PTPRN2: variants seen among roughly 807,000 people sequenced by gnomAD.
The protein encoded by PTPRN2 is protein tyrosine phosphatase receptor type N2.
In PTPRN2, 74 loss-of-function variants were observed where a neutral mutation model predicts 118.8. That is an observed-to-expected ratio of 0.62 (90% CI 0.52 to 0.76). The LOEUF is 0.76. Ranked by LOEUF, PTPRN2 falls within the 30% of genes least tolerant of loss-of-function variation. PTPRN2 has a pLI of 0.00. For missense variants in PTPRN2, 1,481 were observed against 1,394.4 expected (o/e 1.06, Z -0.99); for synonymous variants, 641 against 608.0 (o/e 1.05, Z -0.80).
At chr7:158,520,293 G>A (rs1333775524) in intron 1 of PTPRN2, among the ~76,000 whole-genome samples, 1 of 152,228 alleles carries the variant, frequency 6.6e-6, no homozygotes. Context: ...GCAGGAAGGT[G>A]TGGAAAGGAG....
chr7:158,579,141 T>C (rs1828500875), intron 1 of PTPRN2, among the ~76,000 whole-genome samples: 1 of 152,198 alleles, frequency 6.6e-6, no homozygotes, highest in African/African-American at 2.4e-5. Flanking sequence ...GCTGTCACCA[T>C]CAGTTACTCT....
chr7:158,117,557 A>G (rs1291934319), intron 9 of PTPRN2, among the ~76,000 whole-genome samples: 6 of 152,238 alleles, frequency 3.9e-5, no homozygotes, highest in Admixed American at 2.0e-4. Flanking sequence ...AGACATGGAT[A>G]TAAGCATCCA....
Position 158,372,382 on chromosome 7 carries a change from G to A in PTPRN2, c.164-55450C>T, listed in dbSNP as rs1411234870. The stretch of plus-strand genomic sequence containing the variant: ...CACCCCCAGGCTGGACCCCAGAGCT[G>A]GCCTCCCCAATGCTGGTCCCCAGAG... On this transcript the variant is annotated intron_variant, in intron 2 of 22. Transcript: ENST00000389418. Among the ~76,000 whole-genome samples, 7 of 144,148 alleles carry A rather than the reference G, an allele frequency of 4.9e-5. 1 individual carries two copies. The highest frequency in any genetic ancestry group is 1.1e-4 in the Non-Finnish European group (7 of 66,328). The allele number at this position is 144,148 out of a possible 152,430, so 94.6% of individuals were successfully genotyped here.
chr7:158,278,011 G>T (rs1470456793), intron 3 of PTPRN2, among the ~76,000 whole-genome samples: 1 of 152,196 alleles, frequency 6.6e-6, no homozygotes, highest in Non-Finnish European at 1.5e-5. Context: ...TAACAGGGAG[G>T]CCAGGTCCTT....
chr7:158,395,233 G>A (rs1812256252), intron 2 of PTPRN2, among the ~76,000 whole-genome samples: 1 of 150,706 alleles, frequency 6.6e-6, no homozygotes, highest in Non-Finnish European at 1.5e-5. Flanking sequence ...GCGCGGTCTC[G>A]ACCTGAATCC....
intron 5 of PTPRN2, among the ~76,000 whole-genome samples, chr7:158,174,434 T>C (rs2150629926): frequency 6.6e-6 from 1 of 151,078 alleles, no homozygotes; most frequent in Middle Eastern, 3.5e-3. Context: ...ACTTCCACCA[T>C]CAACATGATC....
chr7:157,980,371 T>A (rs1255348975), intron 11 of PTPRN2, among the ~76,000 whole-genome samples: 1 of 152,226 alleles, frequency 6.6e-6, no homozygotes, highest in Non-Finnish European at 1.5e-5. Context: ...GTCAAGTGTT[T>A]CAAAGCCAAA....
At chr7:157,840,636 T>C (rs1305731393) in intron 12 of PTPRN2, among the ~76,000 whole-genome samples, 2 of 152,082 alleles carry the variant, frequency 1.3e-5, no homozygotes, top group African/African-American at 4.8e-5. Flanking sequence ...GAAGTTGGAA[T>C]TTAGGGAGTG....
intron 1 of PTPRN2, among the ~76,000 whole-genome samples, chr7:158,580,185 A>T (rs889179300): frequency 3.9e-5 from 6 of 152,232 alleles, no homozygotes; most frequent in Admixed American, 3.3e-4. Flanking sequence ...AAGAGCGGCT[A>T]TTTCAGAGAA....
Position 158,219,511 on chromosome 7 carries a change from G to GA in PTPRN2, c.278-14239dup, listed in dbSNP as rs556537254. Among the ~76,000 whole-genome samples the GA allele has an allele frequency of 8.4e-4, 124 of 146,962 alleles. 1 individual carries two copies. The South Asian group carries it at 0.013, about 16-fold the overall frequency. On this transcript the variant is annotated intron_variant, in intron 3 of 22. Coordinates refer to ENST00000389418, the MANE Select transcript of PTPRN2 (RefSeq NM_002847.5). ...CATAACATTACACCTGGAAGAACTA[G>GA]AAAAAAAAAGAACAAACCAATCCCA...
intron 6 of PTPRN2, among the ~76,000 whole-genome samples, chr7:158,146,951 T>G (rs1483420850): frequency 6.8e-6 from 1 of 147,234 alleles, no homozygotes; most frequent in Non-Finnish European, 1.5e-5. Flanking sequence ...TCTTTCCCCC[T>G]CAATGACACC....
intron 1 of PTPRN2, among the ~76,000 whole-genome samples, chr7:158,553,408 A>G (rs1826789515): frequency 6.7e-6 from 1 of 149,318 alleles, no homozygotes; most frequent in Admixed American, 6.6e-5. Context: ...CTCCCCTTAT[A>G]CACACACAGG....
intron 4 of PTPRN2, among the ~76,000 whole-genome samples, chr7:158,200,904 T>C (rs1406304394): frequency 1.3e-5 from 2 of 152,302 alleles, no homozygotes; most frequent in South Asian, 4.1e-4. Flanking sequence ...CAAAAGCAAA[T>C]TATTTATGTG....
At chr7:157,791,798 A>G (rs1804518527) in intron 12 of PTPRN2, among the ~76,000 whole-genome samples, 1 of 152,234 alleles carries the variant, frequency 6.6e-6, no homozygotes, top group South Asian at 2.1e-4. Flanking sequence ...TCTGGTACAG[A>G]CCATGTTTCC....
At position 157,615,760 on chromosome 7, in the gene PTPRN2, T is replaced by A. The variant is rs2150618782; in HGVS notation, c.2344+5602A>T. ...ACAAGCTCTGGAGGCTGAACGAGAATCGGTTACAGGAGATGAACACAAGGC... is the reference window on the plus strand; with the variant it reads ...ACAAGCTCTGGAGGCTGAACGAGAAACGGTTACAGGAGATGAACACAAGGC... On this transcript the variant is annotated intron_variant, in intron 15 of 22. Transcript: ENST00000389418. This position sits in a 1 kb window ranked among gnomAD's most constrained non-coding sequence, Gnocchi z 4.3. The A allele has an allele frequency of 2.6e-6, 1 of 383,846 alleles. No homozygotes were observed. The highest frequency in any genetic ancestry group is 7.4e-5 in the East Asian group (1 of 13,592). The allele number at this position is 383,846 out of a possible 1,614,324, so 23.8% of individuals were successfully genotyped here. A position where few individuals can be genotyped will look rare whatever the true frequency, so the allele number is the denominator to read the frequency against.
At chr7:158,252,383 A>C (rs949014112) in intron 3 of PTPRN2, among the ~76,000 whole-genome samples, 1 of 152,122 alleles carries the variant, frequency 6.6e-6, no homozygotes, top group Non-Finnish European at 1.5e-5. Context: ...GGCTCAGATG[A>C]AGGCGGCCAA....
In PTPRN2 at chr7:157,972,342, C is replaced by T. The variant is rs566698221; in HGVS notation, c.1724-73605G>A. ...GGCACCTGGAATGAGGCAAATGGGA[C>T]CTCGGGTCTTAAAGGATGAAACCAG... On this transcript the variant is annotated intron_variant, in intron 11 of 22. Coordinates refer to ENST00000389418, the MANE Select transcript of PTPRN2 (RefSeq NM_002847.5). Among the ~76,000 whole-genome samples the T allele has an allele frequency of 2.0e-5, 3 of 152,324 alleles. No homozygotes were observed. In the East Asian group the frequency reaches 5.8e-4, roughly 29 times the overall value.
chr7:157,762,495 C>CA (rs1802193639), intron 12 of PTPRN2, among the ~76,000 whole-genome samples: 2 of 149,678 alleles, frequency 1.3e-5, no homozygotes, highest in Admixed American at 6.7e-5. Flanking sequence ...ATCGCAAAAA[C>CA]AAAAAACCGA....
At chr7:157,746,007 C>T (rs1213351394) in intron 12 of PTPRN2, among the ~76,000 whole-genome samples, 2 of 143,040 alleles carry the variant, frequency 1.4e-5, no homozygotes, top group Non-Finnish European at 3.1e-5. Flanking sequence ...GTGTGGAGAT[C>T]ACAGGACTCC....
Sources: gnomAD v4.1 joint callset for allele counts (sites outside exome capture counted in the v4.1 genomes callset) on GRCh38, gnomAD v4.1.1 for gene constraint, Gnocchi (gnomAD v3.1) non-coding constraint, MANE v1.5 for transcripts, NCBI Gene and HGNC (gene_info 2026-07-23, HGNC 2026-07-21) for gene names.